Variants in MAGI2 observed in about 807,000 individuals in gnomAD.
MAGI2 encodes the protein membrane-associated guanylate kinase, WW and PDZ domain-containing protein 2.
Under a neutral mutation model 133.3 loss-of-function variants are expected in MAGI2, and 35 were observed. The observed-to-expected ratio is 0.26, with a 90% CI of 0.20 to 0.35. MAGI2 has a LOEUF of 0.35. MAGI2 is among the 10% of genes least tolerant of loss of function. The probability of loss-of-function intolerance (pLI) is 1.00; values close to 1 mark genes in which losing one functional copy is unlikely to be tolerated. For synonymous variants in MAGI2, 729 were observed against 710.6 expected (o/e 1.03, Z -0.41); for missense variants, 1,636 against 1,863.4 (o/e 0.88, Z 2.25).
chr7:78,198,280 G>T (rs1161180432), intron 11 of MAGI2, among the ~76,000 whole-genome samples: 1 of 152,158 alleles, frequency 6.6e-6, no homozygotes, highest in African/African-American at 2.4e-5. Flanking sequence ...CTATAGCTGA[G>T]AGAAGTCTGT....
chr7:78,856,458 C>G (rs1793639131), intron 2 of MAGI2, among the ~76,000 whole-genome samples: 1 of 152,182 alleles, frequency 6.6e-6, no homozygotes, highest in African/African-American at 2.4e-5. Flanking sequence ...GCAGTTTCAG[C>G]TTTCTACATA....
Position 78,372,563 on chromosome 7 carries a change from A to T in MAGI2, c.1046-3350T>A, listed in dbSNP as rs557510391. The stretch of plus-strand genomic sequence containing the variant: ...AATAACATACATGATGCAACAGGAA[A>T]AAATAAACACTTGAGATCAGCAAGG... On this transcript the variant is annotated intron_variant, in intron 6 of 21. Coordinates refer to ENST00000354212, the MANE Select transcript of MAGI2 (RefSeq NM_012301.4). 5.9e-5 allele frequency among the ~76,000 whole-genome samples: 9 copies of T among 152,282 alleles called. No homozygotes were observed. The South Asian group carries it at 1.9e-3, about 32-fold the overall frequency.
At chr7:79,430,921 C>T (rs1258295110) in intron 1 of MAGI2, among the ~76,000 whole-genome samples, 1 of 152,154 alleles carries the variant, frequency 6.6e-6, no homozygotes, top group Non-Finnish European at 1.5e-5. Context: ...TATCAAATTG[C>T]TAACTTCAAG....
rs184895242 is a variant in MAGI2 at position 78,919,402 on chromosome 7, A to G, written c.418+87688T>C. The stretch of plus-strand genomic sequence containing the variant: ...TTATATATAATTTAATAGAGATCAA[A>G]TTACCACAACATGATGTTATGTGCA... On this transcript the variant is annotated intron_variant, in intron 2 of 21. Coordinates refer to ENST00000354212, the MANE Select transcript of MAGI2 (RefSeq NM_012301.4). Among the ~76,000 whole-genome samples, 8 of 152,248 alleles carry G rather than the reference A, an allele frequency of 5.3e-5. No homozygotes were observed. In the East Asian group the frequency reaches 1.5e-3, roughly 29 times the overall value.
chr7:78,936,345 A>G (rs1177113007), intron 2 of MAGI2, among the ~76,000 whole-genome samples: 1 of 152,040 alleles, frequency 6.6e-6, no homozygotes, highest in Non-Finnish European at 1.5e-5. Flanking sequence ...TAAAGCAAGA[A>G]TGGAAAACAG....
At chr7:78,028,712 G>C (rs529117111) in intron 21 of MAGI2, among the ~76,000 whole-genome samples, 39 of 151,968 alleles carry the variant, frequency 2.6e-4, no homozygotes, top group Non-Finnish European at 4.7e-4. Flanking sequence ...AAAATTAGCT[G>C]GGCATGGTGG....
At chr7:78,862,470 T>G (rs974580934) in intron 2 of MAGI2, among the ~76,000 whole-genome samples, 5 of 152,232 alleles carry the variant, frequency 3.3e-5, no homozygotes, top group African/African-American at 1.2e-4. Context: ...TTGTGACTAG[T>G]AAATTATGGA....
intron 1 of MAGI2, chr7:79,413,044 T>G (rs1245254599): frequency 6.6e-6 from 1 of 152,138 alleles, no homozygotes; most frequent in African/African-American, 2.4e-5. Flanking sequence ...AAGCCACCAC[T>G]TGGAAAATAA....
intron 13 of MAGI2, among the ~76,000 whole-genome samples, chr7:78,181,260 AT>A (rs935025908): frequency 1.1e-3 from 164 of 152,252 alleles, no homozygotes; most frequent in African/African-American, 3.6e-3. Context: ...AACAATCACT[AT>A]TCCTTTCTCT....
intron 3 of MAGI2, among the ~76,000 whole-genome samples, chr7:78,535,062 G>T (rs1048336262): frequency 6.6e-6 from 1 of 152,124 alleles, no homozygotes; most frequent in Non-Finnish European, 1.5e-5. Flanking sequence ...AACCCAGGAG[G>T]CGGAGGTTGC....
intron 2 of MAGI2, among the ~76,000 whole-genome samples, chr7:79,003,214 T>C (rs1369279682): frequency 6.6e-6 from 1 of 151,588 alleles, no homozygotes; most frequent in Non-Finnish European, 1.5e-5. Flanking sequence ...GGGGGGGAGG[T>C]CTTTGGAGCC....
intron 3 of MAGI2, among the ~76,000 whole-genome samples, chr7:78,522,016 C>T (rs1584486707): frequency 6.6e-6 from 1 of 152,004 alleles, no homozygotes; most frequent in Non-Finnish European, 1.5e-5. Context: ...GTTAAGAGTA[C>T]AGGTAATTTT....
intron 6 of MAGI2, among the ~76,000 whole-genome samples, chr7:78,444,113 G>C (rs779300392): frequency 6.6e-6 from 1 of 151,994 alleles, no homozygotes; most frequent in Non-Finnish European, 1.5e-5. Flanking sequence ...TCAACTCTCT[G>C]TTCAGGGTTG....
chr7:78,511,100 CTGTT>C (rs1244302885), intron 4 of MAGI2, among the ~76,000 whole-genome samples: 2 of 152,232 alleles, frequency 1.3e-5, no homozygotes, highest in Non-Finnish European at 2.9e-5. Context: ...GGTGGGAGGA[CTGTT>C]TGCTTCACTG....
intron 1 of MAGI2, among the ~76,000 whole-genome samples, chr7:79,382,711 A>G (rs991175300): frequency 6.6e-6 from 1 of 151,668 alleles, no homozygotes. Context: ...TTAAATAAAT[A>G]TACGTTGACA....
intron 1 of MAGI2, among the ~76,000 whole-genome samples, chr7:79,379,274 C>G (rs1843618869): frequency 6.6e-6 from 1 of 151,668 alleles, no homozygotes; most frequent in South Asian, 2.1e-4. Flanking sequence ...ATCCATGTCC[C>G]TAAAAAGGAT....
intron 2 of MAGI2, among the ~76,000 whole-genome samples, chr7:78,844,511 T>C (rs1792422891): frequency 6.6e-6 from 1 of 151,936 alleles, no homozygotes; most frequent in South Asian, 2.1e-4. Flanking sequence ...TGATCCATGC[T>C]ACAACATGGA....
intron 2 of MAGI2, among the ~76,000 whole-genome samples, chr7:78,875,026 TATGACAGAACAG>T (rs1264316119): frequency 6.6e-6 from 1 of 152,134 alleles, no homozygotes; most frequent in East Asian, 1.9e-4. Context: ...AGAGTCTAAG[TATGACAGAACAG>T]ATAGAAATTA....
intron 3 of MAGI2, among the ~76,000 whole-genome samples, chr7:78,585,277 G>C (rs532140428): frequency 5.2e-4 from 79 of 152,264 alleles, no homozygotes; most frequent in South Asian, 1.2e-3. Flanking sequence ...AATTGTGTTA[G>C]ACTTCGAGAC....
Sources: gnomAD v4.1 joint callset for allele counts (sites outside exome capture counted in the v4.1 genomes callset) on GRCh38, gnomAD v4.1.1 for gene constraint, MANE v1.5 for transcripts, NCBI Gene and HGNC (gene_info 2026-07-23, HGNC 2026-07-21) for gene names.